The following ZNRF3 variants were observed in gnomAD, a reference collection of about 807,000 sequenced individuals.
ZNRF3 encodes the protein zinc and ring finger 3, also known as E3 ubiquitin-protein ligase ZNRF3.
In ZNRF3, 23 loss-of-function variants were observed where a neutral mutation model predicts 72.5. The observed-to-expected ratio is 0.32, with a 90% CI of 0.23 to 0.45. The LOEUF is 0.45. ZNRF3 is among the 20% of genes least tolerant of loss of function. The pLI is 1.00. For synonymous variants in ZNRF3, 610 were observed against 545.3 expected, an observed-to-expected ratio of 1.12 and a Z score of -1.65; for missense variants, 1,169 against 1,272.1, an observed-to-expected ratio of 0.92 and a Z score of 1.23.
intron 1 of ZNRF3, among the ~76,000 whole-genome samples, chr22:28,924,572 T>C (rs1704627473): frequency 6.6e-6 from 1 of 152,038 alleles, no homozygotes. Flanking sequence ...AGTGAGACCC[T>C]GTCTCTTAAA....
At chr22:28,942,467 T>C (rs2034965611) in intron 1 of ZNRF3, among the ~76,000 whole-genome samples, 1 of 152,200 alleles carries the variant, frequency 6.6e-6, no homozygotes, top group Non-Finnish European at 1.5e-5. Flanking sequence ...CCTTCATAGT[T>C]GTAGCTTGTC....
intron 2 of ZNRF3, among the ~76,000 whole-genome samples, chr22:29,000,314 T>C (rs1601648048): frequency 1.3e-5 from 2 of 152,366 alleles, no homozygotes; most frequent in South Asian, 2.1e-4. Flanking sequence ...CATTAACCTG[T>C]TGCTAGAGGT....
chr22:28,904,831 T>G (rs2123755901), intron 1 of ZNRF3, among the ~76,000 whole-genome samples: 1 of 152,214 alleles, frequency 6.6e-6, no homozygotes, highest in Non-Finnish European at 1.5e-5. Context: ...GTTCATCCCT[T>G]GACTTTCTTC....
rs73882445 is a variant in ZNRF3 at position 29,043,550 on chromosome 22, G to T, written c.633+120G>T. On this transcript the variant is annotated intron_variant, in intron 4 of 8. Transcript: ENST00000544604. The stretch of plus-strand genomic sequence containing the variant: ...AAATGCTGGCATACCCCAGGTTCCT[G>T]CAGGCTTAGATCAGCTATTGGACTC... The T allele has an allele frequency of 6.1e-6, 8 of 1,310,408 alleles. No individual in the cohort carries two copies. The East Asian group carries it at 1.7e-4, about 28-fold the overall frequency. The allele number at this position is 1,310,408 out of a possible 1,614,324, so 81.2% of individuals were successfully genotyped here.
chr22:29,052,691 CAAAA>C (rs35759703), intron 8 of ZNRF3, among the ~76,000 whole-genome samples: 1 of 118,244 alleles, frequency 8.5e-6, no homozygotes, highest in Non-Finnish European at 1.8e-5. Flanking sequence ...GACTCCGTCT[CAAAA>C]AAAAAAAAAA....
intron 1 of ZNRF3, among the ~76,000 whole-genome samples, chr22:28,888,913 C>G (rs1316842671): frequency 6.6e-6 from 1 of 151,802 alleles, no homozygotes; most frequent in African/African-American, 2.4e-5. Flanking sequence ...GTCAGGAGTT[C>G]GAGACCAGCC....
chr22:28,945,616 A>T (rs1240016573), intron 1 of ZNRF3, among the ~76,000 whole-genome samples: 1 of 149,268 alleles, frequency 6.7e-6, no homozygotes, highest in Non-Finnish European at 1.5e-5. Context: ...TGCAACCTCC[A>T]CCTCTCGAGT....
intron 1 of ZNRF3, among the ~76,000 whole-genome samples, chr22:28,948,786 A>G (rs974889852): frequency 2.0e-5 from 3 of 152,236 alleles, no homozygotes; most frequent in Admixed American, 1.3e-4. Flanking sequence ...AACCATGTCA[A>G]TGAACTATTC....
At chr22:28,952,655 ATAATGT>A (rs1213246010) in intron 1 of ZNRF3, among the ~76,000 whole-genome samples, 1 of 152,218 alleles carries the variant, frequency 6.6e-6, no homozygotes, top group Non-Finnish European at 1.5e-5. Flanking sequence ...TATTAAGAAC[ATAATGT>A]TTATGAAGAT....
intron 2 of ZNRF3, among the ~76,000 whole-genome samples, chr22:29,029,237 G>C (rs905707636): frequency 1.3e-5 from 2 of 152,228 alleles, no homozygotes; most frequent in Non-Finnish European, 2.9e-5. Flanking sequence ...TGTCAAGATA[G>C]AAGAGTAAGA....
chr22:28,948,188 G>A (rs955035095), intron 1 of ZNRF3, among the ~76,000 whole-genome samples: 4 of 150,834 alleles, frequency 2.7e-5, no homozygotes, highest in Non-Finnish European at 4.4e-5. Flanking sequence ...TAAAAAAGAT[G>A]TGGTCCTGCT....
intron 1 of ZNRF3, among the ~76,000 whole-genome samples, chr22:28,957,145 G>T (rs1343343453): frequency 1.3e-5 from 2 of 152,194 alleles, no homozygotes; most frequent in Non-Finnish European, 2.9e-5. Flanking sequence ...AAGTTTTATG[G>T]TTTCGAGCCA....
intron 1 of ZNRF3, among the ~76,000 whole-genome samples, chr22:28,931,328 A>C (rs2034703039): frequency 6.6e-6 from 1 of 152,160 alleles, no homozygotes; most frequent in Non-Finnish European, 1.5e-5. Context: ...GTGTTAGAGA[A>C]ACTGAACCTG....
At chr22:28,974,128 T>C (rs2035627535) in intron 1 of ZNRF3, among the ~76,000 whole-genome samples, 1 of 151,958 alleles carries the variant, frequency 6.6e-6, no homozygotes. Context: ...CGGCTAATTT[T>C]GTTTTTGTAT....
intron 1 of ZNRF3, among the ~76,000 whole-genome samples, chr22:28,946,973 C>G (rs2035064303): frequency 6.6e-6 from 1 of 152,108 alleles, no homozygotes; most frequent in South Asian, 2.1e-4. Flanking sequence ...AATATAGCAG[C>G]CATATCTTGG....
At chr22:28,967,961 A>T (rs535714082) in intron 1 of ZNRF3, among the ~76,000 whole-genome samples, 4 of 151,562 alleles carry the variant, frequency 2.6e-5, no homozygotes, top group African/African-American at 9.7e-5. Context: ...ACACAACTAT[A>T]TATATAGTGG....
chr22:28,970,667 T>C (rs2035555916), intron 1 of ZNRF3, among the ~76,000 whole-genome samples: 1 of 152,220 alleles, frequency 6.6e-6, no homozygotes, highest in Non-Finnish European at 1.5e-5. Flanking sequence ...ACCACTACTC[T>C]GCAATAAGCA....
intron 8 of ZNRF3, among the ~76,000 whole-genome samples, chr22:29,052,679 G>A (rs1256981931): frequency 4.2e-5 from 6 of 142,048 alleles, no homozygotes; most frequent in East Asian, 4.2e-4. Context: ...GCGACAGAGC[G>A]AGACTCCGTC....
intron 1 of ZNRF3, among the ~76,000 whole-genome samples, chr22:28,962,533 G>A (rs1269375109): frequency 6.6e-6 from 1 of 152,202 alleles, no homozygotes; most frequent in Non-Finnish European, 1.5e-5. Context: ...TCTCGTAGAG[G>A]TGCTACAGGC....
Sources: allele counts gnomAD v4.1 joint callset (sites outside exome capture counted in the v4.1 genomes callset), GRCh38; gene constraint gnomAD v4.1.1; transcripts MANE v1.5; gene names NCBI Gene and HGNC (gene_info 2026-07-23, HGNC 2026-07-21).